Variants in MFSD11 observed in about 807,000 individuals in gnomAD.
The protein encoded by MFSD11 is major facilitator superfamily domain containing 11.
In MFSD11, 36 loss-of-function variants were observed where a neutral mutation model predicts 53.5. That is an observed-to-expected ratio of 0.67 (90% CI 0.52 to 0.89). The LOEUF (loss-of-function observed/expected upper bound fraction) is 0.89. Among genes scored for constraint, MFSD11 ranks in the 40% least tolerant of loss-of-function variants. MFSD11 has a pLI of 0.00. For synonymous variants in MFSD11, 186 were observed against 184.9 expected (o/e 1.01, Z -0.05); for missense variants, 530 against 543.9 (o/e 0.97, Z 0.25).
At position 76,761,002 on chromosome 17, in the gene MFSD11, G is replaced by A. The variant is rs1044308865; in HGVS notation, c.683-6384G>A. 4.6e-5 allele frequency among the ~76,000 whole-genome samples: 7 copies of A among 151,902 alleles called. No individual in the cohort carries two copies. In the South Asian group the frequency reaches 6.2e-4, roughly 14 times the overall value. ...GGGCGGATCATGAGGTCAGGAGTTC[G>A]AGACCAGCCTAGCCAACATGGCAAA... On this transcript the variant is annotated intron_variant, in intron 8 of 12. Transcript: ENST00000685175.
chr17:76,758,839 C>T (rs1217418041), intron 8 of MFSD11, among the ~76,000 whole-genome samples: 4 of 152,046 alleles, frequency 2.6e-5, no homozygotes, highest in Admixed American at 6.6e-5. Flanking sequence ...ATTCCACACA[C>T]CCCTACCCCC....
intron 8 of MFSD11, among the ~76,000 whole-genome samples, chr17:76,762,382 A>G (rs1007231746): frequency 6.6e-6 from 1 of 152,196 alleles, no homozygotes; most frequent in African/African-American, 2.4e-5. Flanking sequence ...ACTGACACAC[A>G]GATATTCTGC....
chr17:76,776,705 A>G lies in MFSD11; in HGVS notation c.1185+164A>G, dbSNP rs563637846. On this transcript the variant is annotated intron_variant, in intron 12 of 12. Coordinates refer to ENST00000685175, the MANE Select transcript of MFSD11 (RefSeq NM_001242532.5). The surrounding 1 kb of genome is among the most constrained non-coding windows in gnomAD (Gnocchi z 4.2). Reference sequence around the variant, plus strand: ...ACTCAGGCTGGAGTGCAGTAGCGCAATCTTGACTCGCTGCAACCTCCGCCT... The same window carrying G: ...ACTCAGGCTGGAGTGCAGTAGCGCAGTCTTGACTCGCTGCAACCTCCGCCT... 2.0e-5 allele frequency among the ~76,000 whole-genome samples: 3 copies of G among 152,136 alleles called. No homozygotes were observed. Among genetic ancestry groups the G allele is most frequent in the Admixed American group, 6.5e-5 (1 of 15,288 alleles).
In MFSD11 at chr17:76,755,812, ATTTTTTT is replaced by A. The variant is rs552254902; in HGVS notation, c.682+1747_682+1753del. On this transcript the variant is annotated intron_variant, in intron 8 of 12. Coordinates refer to ENST00000685175, the MANE Select transcript of MFSD11 (RefSeq NM_001242532.5). Reference sequence around the variant, plus strand: ...TATACATATATATATATATATATATATTTTTTTTTTTTTTTTTTTTTTTTTTTTGAGA... The same window carrying A: ...TATACATATATATATATATATATATATTTTTTTTTTTTTTTTTTTTTGAGA... 3.1e-3 allele frequency among the ~76,000 whole-genome samples: 61 copies of A among 19,468 alleles called. 1 individual carries two copies. The highest frequency in any genetic ancestry group is 5.5e-3 in the South Asian group (2 of 366). The allele number at this position is 19,468 out of a possible 152,430, so 12.8% of individuals were successfully genotyped here. A position where few individuals can be genotyped will look rare whatever the true frequency, so the allele number is the denominator to read the frequency against.
chr17:76,767,523 T>C (rs1397494986), intron 9 of MFSD11, 72 bp downstream of exon 9: 13 of 953,120 alleles, frequency 1.4e-5, no homozygotes. Flanking sequence ...AGCCACGTTA[T>C]TATTTCTCAC....
chr17:76,798,856 C>T, the MFSD11 span, among the ~76,000 whole-genome samples: 5 of 151,406 alleles, frequency 3.3e-5, no homozygotes, highest in Admixed American at 6.6e-5. Context: ...GGCAAAGCCC[C>T]GTCTCTACGA....
downstream of MFSD11, among the ~76,000 whole-genome samples, chr17:76,780,301 A>C (rs370148970): frequency 3.9e-5 from 6 of 152,216 alleles, 1 homozygote; most frequent in African/African-American, 1.4e-4. Context: ...TGAACATTTC[A>C]TGTAAATGAG....
chr17:76,799,954 C>CTTTTT, the MFSD11 span, among the ~76,000 whole-genome samples: 4,901 of 86,410 alleles, frequency 0.057, 328 homozygotes, highest in African/African-American at 0.19. Context: ...TTTTCTTTTT[C>CTTTTT]CTTTTTTTTT....
chr17:76,796,081 C>T, the MFSD11 span, among the ~76,000 whole-genome samples: 1 of 152,128 alleles, frequency 6.6e-6, no homozygotes, highest in South Asian at 2.1e-4. Context: ...TGCCAGTCTC[C>T]AAAACATACC....
chr17:76,748,600 A>G (rs1012200309), intron 7 of MFSD11, among the ~76,000 whole-genome samples: 1 of 151,586 alleles, frequency 6.6e-6, no homozygotes, highest in African/African-American at 2.4e-5. Flanking sequence ...GGTAGGGGGA[A>G]GCTTCAGCAA....
At position 76,777,328 on chromosome 17, in the gene MFSD11, C is replaced by T. The variant is rs188221180; in HGVS notation, c.1185+787C>T. ...TAGTCCAGACTGGAGTGCAGTGGCA[C>T]GATCTTGGCTCAGTGCAATCTCTGC... is the stretch of plus-strand genomic sequence containing the variant. On this transcript the variant is annotated intron_variant, in intron 12 of 12. Transcript: ENST00000685175. Among the ~76,000 whole-genome samples, 121 of 151,516 alleles carry T rather than the reference C, an allele frequency of 8.0e-4. No homozygotes were observed. The South Asian group carries it at 0.013, about 16-fold the overall frequency.
chr17:76,794,776 TC>T, the MFSD11 span, among the ~76,000 whole-genome samples: 1 of 139,594 alleles, frequency 7.2e-6, no homozygotes, highest in Non-Finnish European at 1.5e-5. Context: ...CACTGCAACT[TC>T]CACCTCCCAG....
downstream of MFSD11, among the ~76,000 whole-genome samples, chr17:76,783,038 G>A (rs188194058): frequency 3.3e-5 from 5 of 151,674 alleles, no homozygotes; most frequent in East Asian, 9.8e-4. Flanking sequence ...TTAGCCAAGT[G>A]TGGTGGCAGG....
intron 8 of MFSD11, among the ~76,000 whole-genome samples, chr17:76,754,409 G>T (rs564889036): frequency 3.3e-5 from 5 of 152,128 alleles, no homozygotes; most frequent in African/African-American, 7.2e-5. Context: ...GTGGCTGCGC[G>T]CAGTGACTCG....
chr17:76,752,984 A>G (rs1196266200), intron 7 of MFSD11: 1 of 151,934 alleles, frequency 6.6e-6, no homozygotes, highest in Non-Finnish European at 1.5e-5. Context: ...CGCAAGGATG[A>G]CATGCAAATT....
At position 76,739,262 on chromosome 17, in the gene MFSD11, C is replaced by T. The variant is rs181154824; in HGVS notation, c.152+269C>T. ...TTTCCGTGAGCCTAATTTCCTAGTT[C>T]AGACAATGCATGTAAAGCACTTGGC... On this transcript the variant is annotated intron_variant, in intron 2 of 12. Coordinates refer to ENST00000685175, the MANE Select transcript of MFSD11 (RefSeq NM_001242532.5). Among the ~76,000 whole-genome samples the T allele has an allele frequency of 6.9e-3, 988 of 143,146 alleles. 12 individuals carry two copies. The highest frequency in any genetic ancestry group is 0.023 in the African/African-American group (904 of 39,486). 93.9% of individuals were successfully genotyped at this position (143,146 alleles called of 152,430 possible).
At chr17:76,791,546 C>T in the MFSD11 span, among the ~76,000 whole-genome samples, 2 of 148,780 alleles carry the variant, frequency 1.3e-5, no homozygotes, top group African/African-American at 5.0e-5. Context: ...CAGATGTTTT[C>T]TTCTCTACTT....
intron 8 of MFSD11, among the ~76,000 whole-genome samples, chr17:76,764,932 T>TA (rs1478803455): frequency 2.0e-5 from 3 of 152,192 alleles, no homozygotes; most frequent in African/African-American, 7.2e-5. Flanking sequence ...CAACACTTGT[T>TA]ACCTTTTGTC....
chr17:76,758,810 C>T (rs1046169168), intron 8 of MFSD11, among the ~76,000 whole-genome samples: 4 of 151,978 alleles, frequency 2.6e-5, no homozygotes, highest in East Asian at 1.9e-4. Flanking sequence ...CCTTGAACAG[C>T]GTGGGGCATG....
Sources: gnomAD v4.1 joint callset for allele counts (sites outside exome capture counted in the v4.1 genomes callset) on GRCh38, gnomAD v4.1.1 for gene constraint, Gnocchi (gnomAD v3.1) non-coding constraint, MANE v1.5 for transcripts, NCBI Gene and HGNC (gene_info 2026-07-23, HGNC 2026-07-21) for gene names.